Variants in RBMS3 observed in about 807,000 individuals in gnomAD.
RBMS3 encodes the protein RNA binding motif single stranded interacting protein 3, also known as RNA-binding motif, single-stranded-interacting protein 3.
Under a neutral mutation model 66.8 loss-of-function variants are expected in RBMS3, and 27 were observed. The ratio of observed to expected loss-of-function variants is 0.40; its 90% confidence interval spans 0.30 to 0.56. The LOEUF (loss-of-function observed/expected upper bound fraction) is 0.56, where lower values mean the gene tolerates loss of function less well. Ranked by LOEUF, RBMS3 falls within the 20% of genes least tolerant of loss-of-function variation. The probability of loss-of-function intolerance (pLI) is 0.40; values close to 1 mark genes in which losing one functional copy is unlikely to be tolerated. For synonymous variants in RBMS3, 188 were observed against 183.0 expected, an observed-to-expected ratio of 1.03 and a Z score of -0.22; for missense variants, 513 against 549.5, an observed-to-expected ratio of 0.93 and a Z score of 0.66.
intron 3 of RBMS3, among the ~76,000 whole-genome samples, chr3:29,558,396 A>T (rs147350258): frequency 8.7e-4 from 133 of 152,360 alleles, no homozygotes; most frequent in Middle Eastern, 3.4e-3. Context: ...TCCAGGCAAC[A>T]TTATTTAAAG....
intron 10 of RBMS3, among the ~76,000 whole-genome samples, chr3:29,902,721 A>T (rs2060285531): frequency 6.6e-6 from 1 of 151,822 alleles, no homozygotes; most frequent in Admixed American, 6.6e-5. Flanking sequence ...TGATAATTTC[A>T]TGCATGAGGT....
intron 10 of RBMS3, among the ~76,000 whole-genome samples, chr3:29,900,246 T>A (rs2060220824): frequency 6.6e-6 from 1 of 151,788 alleles, no homozygotes; most frequent in African/African-American, 2.4e-5. Context: ...CTTGAAGCAA[T>A]ATATTTCAAA....
chr3:29,691,949 A>ATTTTTTTTCTTTTTT (rs2052037793), intron 4 of RBMS3, among the ~76,000 whole-genome samples: 1 of 65,014 alleles, frequency 1.5e-5, no homozygotes, highest in Non-Finnish European at 2.9e-5. Context: ...CTCTCTCTCT[A>ATTTTTTTTCTTTTTT]TTTTTTTTTT....
At chr3:29,440,540 T>C (rs1213798267) in intron 2 of RBMS3, among the ~76,000 whole-genome samples, 2 of 152,188 alleles carry the variant, frequency 1.3e-5, no homozygotes, top group Non-Finnish European at 2.9e-5. Context: ...CCGTAAATGT[T>C]TTCTTTGCTC....
At chr3:29,744,767 G>C (rs2054805344) in intron 5 of RBMS3, among the ~76,000 whole-genome samples, 1 of 146,412 alleles carries the variant, frequency 6.8e-6, no homozygotes, top group South Asian at 2.2e-4. Context: ...CCGCACGATA[G>C]TGTAAGACTC....
intron 3 of RBMS3, among the ~76,000 whole-genome samples, chr3:29,568,093 A>G (rs1431582326): frequency 6.6e-6 from 1 of 152,182 alleles, no homozygotes; most frequent in Non-Finnish European, 1.5e-5. Context: ...TGTTCACTGG[A>G]ATTTGCATAA....
intron 6 of RBMS3, among the ~76,000 whole-genome samples, chr3:29,862,632 G>A (rs1378521759): frequency 6.6e-6 from 1 of 151,958 alleles, no homozygotes; most frequent in African/African-American, 2.4e-5. Flanking sequence ...TGTGTGGTGG[G>A]GGCAGTTCGG....
chr3:29,952,497 A>G (rs1695749390), intron 12 of RBMS3, among the ~76,000 whole-genome samples: 1 of 151,862 alleles, frequency 6.6e-6, no homozygotes, highest in African/African-American at 2.4e-5. Flanking sequence ...GATATGACAT[A>G]TTTGAAAGGG....
intron 3 of RBMS3, among the ~76,000 whole-genome samples, chr3:29,538,029 G>T (rs1454253380): frequency 6.6e-6 from 1 of 151,974 alleles, no homozygotes; most frequent in East Asian, 1.9e-4. Flanking sequence ...TTTATATCTT[G>T]GAAAGTAACC....
intron 6 of RBMS3, among the ~76,000 whole-genome samples, chr3:29,792,878 A>G (rs972825866): frequency 2.0e-5 from 3 of 152,206 alleles, no homozygotes; most frequent in Admixed American, 1.3e-4. Flanking sequence ...GGAACATTAA[A>G]CTTTTGGTAG....
At position 29,847,526 on chromosome 3, in the gene RBMS3, G is replaced by A. The variant is rs2058811814; in HGVS notation, c.638-21332G>A. The stretch of plus-strand genomic sequence containing the variant: ...GAGTCAGTGCCACAATGCAAGTAAA[G>A]TGAAGTATCAATAACTCATTTAAAA... On this transcript the variant is annotated intron_variant, in intron 6 of 14. Coordinates refer to ENST00000383767, the MANE Select transcript of RBMS3 (RefSeq NM_001003793.3). Among the ~76,000 whole-genome samples the A allele has an allele frequency of 2.0e-5, 3 of 152,268 alleles. No homozygotes were observed. The South Asian group carries it at 6.2e-4, about 32-fold the overall frequency.
chr3:29,585,916 A>G (rs977712570), intron 3 of RBMS3, among the ~76,000 whole-genome samples: 3 of 152,040 alleles, frequency 2.0e-5, no homozygotes, highest in African/African-American at 7.2e-5. Flanking sequence ...TGGGAGGGAG[A>G]AAAAGAAGAC....
intron 1 of RBMS3, among the ~76,000 whole-genome samples, chr3:29,290,502 C>T (rs369432208): frequency 2.6e-5 from 4 of 151,736 alleles, no homozygotes; most frequent in South Asian, 4.1e-4. Context: ...CATGGATTAA[C>T]CCTGGTATCC....
chr3:29,945,163 A>G (rs1695219859), intron 12 of RBMS3, among the ~76,000 whole-genome samples: 1 of 151,700 alleles, frequency 6.6e-6, no homozygotes, highest in Non-Finnish European at 1.5e-5. Context: ...AAAGAGAAAC[A>G]TGCATTAGAA....
intron 14 of RBMS3, among the ~76,000 whole-genome samples, chr3:30,001,876 A>T: frequency 6.6e-6 from 1 of 152,000 alleles, no homozygotes; most frequent in Non-Finnish European, 1.5e-5. Flanking sequence ...CCTAAAAAAA[A>T]TTAAAACCCT....
At chr3:29,414,739 T>C (rs1575751903) in intron 1 of RBMS3, among the ~76,000 whole-genome samples, 1 of 152,256 alleles carries the variant, frequency 6.6e-6, no homozygotes, top group African/African-American at 2.4e-5. Flanking sequence ...AAGAGATCAA[T>C]AAGGCAAGAA....
intron 1 of RBMS3, chr3:29,390,998 T>C: frequency 3.0e-6 from 1 of 328,246 alleles, no homozygotes; most frequent in Non-Finnish European, 6.7e-6. Context: ...CATCTCTGTG[T>C]TTACATTCAA....
chr3:29,860,083 T>C (rs1184625271), intron 6 of RBMS3, among the ~76,000 whole-genome samples: 1 of 152,218 alleles, frequency 6.6e-6, no homozygotes, highest in African/African-American at 2.4e-5. Context: ...ATTAAAGGCA[T>C]GGGTTCCAGC....
At chr3:29,994,423 C>T (rs1699083863) in intron 14 of RBMS3, among the ~76,000 whole-genome samples, 1 of 152,220 alleles carries the variant, frequency 6.6e-6, no homozygotes. Flanking sequence ...TGGGTGGAGC[C>T]CACCACAGCT....
Sources: allele counts gnomAD v4.1 joint callset (sites outside exome capture counted in the v4.1 genomes callset), GRCh38; gene constraint gnomAD v4.1.1; transcripts MANE v1.5; gene names NCBI Gene and HGNC (gene_info 2026-07-23, HGNC 2026-07-21).